FOXRED2: variants seen among roughly 807,000 people sequenced by gnomAD.
FOXRED2 encodes FAD-dependent oxidoreductase domain-containing protein 2.
In FOXRED2, 32 loss-of-function variants were observed where a neutral mutation model predicts 52.5. The observed-to-expected ratio is 0.61, with a 90% CI of 0.46 to 0.82. FOXRED2 has a LOEUF of 0.82. Among genes scored for constraint, FOXRED2 ranks in the 40% least tolerant of loss-of-function variants. FOXRED2 has a pLI of 0.00. For synonymous variants in FOXRED2, 405 were observed against 398.1 expected (o/e 1.02, Z -0.21); for missense variants, 848 against 937.5 (o/e 0.90, Z 1.25).
At chr22:36,500,583 A>C (rs865935334) in intron 5 of FOXRED2, among the ~76,000 whole-genome samples, 3 of 136,754 alleles carry the variant, frequency 2.2e-5, no homozygotes, top group African/African-American at 8.2e-5. Flanking sequence ...ATCCAATTAC[A>C]TTTTTTTTTT....
At chr22:36,503,452 G>A (rs954943516) in intron 4 of FOXRED2, among the ~76,000 whole-genome samples, 1 of 151,444 alleles carries the variant, frequency 6.6e-6, no homozygotes, top group Admixed American at 6.6e-5. Flanking sequence ...TGGGATTACA[G>A]GCACCCACCA....
At chr22:36,497,388 T>C (rs577075482) in intron 6 of FOXRED2, among the ~76,000 whole-genome samples, 1 of 152,252 alleles carries the variant, frequency 6.6e-6, no homozygotes, top group African/African-American at 2.4e-5. Flanking sequence ...GAGGGTTTTG[T>C]GCAGAAAGCG....
Position 36,498,078 on chromosome 22 carries a change from A to T in FOXRED2, c.1295T>A (p.Leu432Gln), listed in dbSNP as rs1249408986. Residue 432 changes from leucine (L) to glutamine (Q), a missense_variant, in exon 6 of 9, where the codon CTG (leucine) becomes CAG (glutamine). By Grantham distance (113) the Leu-to-Gln change is moderately radical. Transcript: ENST00000397224. ...CACGCGCCGCACGATGGAGCTGGTCAGCTGTGTGATGGGGAGCTCAGTGGC... is the reference window on the plus strand; with the variant it reads ...CACGCGCCGCACGATGGAGCTGGTCTGCTGTGTGATGGGGAGCTCAGTGGC... ...WPATELPITQ[L>Q]TSSIVRRVNE... 6.2e-7 allele frequency: 1 copy of T among 1,614,020 alleles called. No individual in the cohort carries two copies. Among genetic ancestry groups the T allele is most frequent in the Admixed American group, 1.7e-5 (1 of 60,026 alleles).
intron 8 of FOXRED2, 35 bp from the exon 9 acceptor site, chr22:36,490,302 C>G (rs572986123): frequency 2.6e-6 from 4 of 1,555,104 alleles, no homozygotes; most frequent in Non-Finnish European, 3.5e-6. Flanking sequence ...ATGAGCCAGG[C>G]TGGGACATGT....
In FOXRED2 at chr22:36,488,242, ATTTT is replaced by A. The variant is rs958147010; in HGVS notation, c.*1762_*1765del. The A allele has an allele frequency of 2.6e-5, 4 of 151,640 alleles. 1 individual carries two copies. Among genetic ancestry groups the A allele is most frequent in the Middle Eastern group, 6.8e-3 (2 of 292 alleles). 9.4% of individuals were successfully genotyped at this position (151,640 alleles called of 1,614,324 possible). Reference sequence around the variant, plus strand: ...GTTGTAGCATACTTTGTTCTTTTTTATTTTTTATTTTTTTGAGATGGGGTGTGGG... The same window carrying A: ...GTTGTAGCATACTTTGTTCTTTTTTATTATTTTTTTGAGATGGGGTGTGGG... On this transcript the variant is annotated 3_prime_UTR_variant, in exon 9 of 9. Transcript: ENST00000397224.
At chr22:36,503,233 C>A (rs982415355) in intron 4 of FOXRED2, among the ~76,000 whole-genome samples, 1 of 151,954 alleles carries the variant, frequency 6.6e-6, no homozygotes, top group Non-Finnish European at 1.5e-5. Context: ...AAGTAGTATG[C>A]CTGCCTTGGC....
intron 8 of FOXRED2, among the ~76,000 whole-genome samples, chr22:36,491,755 C>T (rs998115142): frequency 6.6e-6 from 1 of 152,198 alleles, no homozygotes; most frequent in Non-Finnish European, 1.5e-5. Flanking sequence ...CCAATTAAAC[C>T]TGTTTCTTTA....
At position 36,504,537 on chromosome 22, in the gene FOXRED2, T is replaced by C; in HGVS notation, c.757A>G (p.Thr253Ala). Reference sequence around the variant, plus strand: ...TACCTGAGGTCTCCAACGTAGTGGGTGGCCCAGGACAGACGGACCCGGGAG... The same window carrying C: ...TACCTGAGGTCTCCAACGTAGTGGGCGGCCCAGGACAGACGGACCCGGGAG... ...SRSRVRLSWATHYVGDLRAIN... is the reference protein window; with the variant it reads ...SRSRVRLSWAAHYVGDLRAIN... Residue 253 changes from threonine to alanine, a missense_variant, in exon 3 of 9, where the codon ACC (threonine) becomes GCC (alanine). By Grantham distance (58) the Thr-to-Ala change is moderately conservative. Coordinates refer to ENST00000397224, the MANE Select transcript of FOXRED2 (RefSeq NM_001102371.2). 6.2e-7 allele frequency: 1 copy of C among 1,614,084 alleles called. No individual in the cohort carries two copies. The highest frequency in any genetic ancestry group is 1.1e-5 in the South Asian group (1 of 91,074).
At chr22:36,492,273 A>G (rs550406779) in intron 8 of FOXRED2, among the ~76,000 whole-genome samples, 2 of 152,302 alleles carry the variant, frequency 1.3e-5, no homozygotes, top group African/African-American at 4.8e-5. Flanking sequence ...TGCTCAGCAG[A>G]ATCTGGGGCC....
At position 36,505,909 on chromosome 22, in the gene FOXRED2, C is replaced by A. The variant is rs1481315762; in HGVS notation, c.514G>T (p.Val172Leu). 6.2e-7 allele frequency: 1 copy of A among 1,612,814 alleles called. No individual in the cohort carries two copies. The highest frequency in any genetic ancestry group is 1.7e-5 in the Admixed American group (1 of 60,012). The change falls in exon 2 of 9, where the codon GTG becomes TTG. Residue 172 changes from valine to leucine, a missense_variant. Transcript: ENST00000397224. ...CACCGGCCTTACCTGCACTGATGCACCTGGCCCTTCTGGTCAGTTAGGATG... is the reference window on the plus strand; with the variant it reads ...CACCGGCCTTACCTGCACTGATGCAACTGGCCCTTCTGGTCAGTTAGGATG... ...YFILTDQKGQ[V>L]HQCSVLFVAT... is the part of the protein sequence containing the mutation.
rs200758653 is a variant in FOXRED2, at chr22:36,504,184, G to A, written c.963C>T (p.Asp321=). Residue 321 remains aspartate (D), a synonymous_variant, in exon 4 of 9, where the codon GAC becomes GAT. Transcript: ENST00000397224. ...CGCGCATGGCAAAGTTGTCATTGTCGTCCTGGGGGAGGGTGATGGAGTCGG... is the reference window on the plus strand; with the variant it reads ...CGCGCATGGCAAAGTTGTCATTGTCATCCTGGGGGAGGGTGATGGAGTCGG... ...QSADSITLPQ[D]DNDNFAMRVP... is the part of the protein sequence containing the mutation. 77 of 1,614,124 alleles carry A rather than the reference G, an allele frequency of 4.8e-5. 1 individual carries two copies. Among genetic ancestry groups the A allele is most frequent in the Admixed American group, 1.7e-5 (1 of 60,008 alleles).
In FOXRED2 at chr22:36,490,009, C is replaced by T. The variant is rs773570401; in HGVS notation, c.2054G>A (p.Ter685=). Residue 685 remains the stop codon, a stop_retained_variant, in exon 9 of 9, where the codon TGA becomes TAA. Transcript: ENST00000397224. Reference sequence around the variant, plus strand: ...TGCCCACAGCTTAGGAAGGGACAGTCAGAGCTCCTCTTTGTTGCTATCGAC... The same window carrying T: ...TGCCCACAGCTTAGGAAGGGACAGTTAGAGCTCCTCTTTGTTGCTATCGAC... ...QSVDSNKEEL[*] is the part of the protein sequence containing the mutation. 1.3e-6 allele frequency: 2 copies of T among 1,570,216 alleles called. No individual in the cohort carries two copies. Among genetic ancestry groups the T allele is most frequent in the East Asian group, 2.3e-5 (1 of 44,292 alleles).
intron 5 of FOXRED2, among the ~76,000 whole-genome samples, chr22:36,500,843 C>CA (rs1404531551): frequency 2.0e-5 from 3 of 152,284 alleles, no homozygotes; most frequent in Admixed American, 2.0e-4. Context: ...CTTGGCCTCC[C>CA]AAAGTGCTAG....
chr22:36,495,846 T>C, intron 7 of FOXRED2, 121 bp downstream of exon 7: 1 of 1,106,322 alleles, frequency 9.0e-7, no homozygotes, highest in East Asian at 2.4e-5. Context: ...CTAGGCAGAG[T>C]CCCGCAGCCA....
chr22:36,505,092 G>C (rs1272684259), intron 2 of FOXRED2, among the ~76,000 whole-genome samples: 1 of 152,164 alleles, frequency 6.6e-6, no homozygotes, highest in African/African-American at 2.4e-5. Context: ...ATAGCAGTCA[G>C]ACCAGGTATG....
Position 36,490,096 on chromosome 22 carries a change from T to A in FOXRED2, c.1967A>T (p.Gln656Leu). The A allele has an allele frequency of 6.2e-7, 1 of 1,613,854 alleles. No individual in the cohort carries two copies. Among genetic ancestry groups the A allele is most frequent in the Non-Finnish European group, 8.5e-7 (1 of 1,179,796 alleles). Residue 656 changes from glutamine to leucine, a missense_variant, in exon 9 of 9, where the codon CAG (glutamine) becomes CTG (leucine). By Grantham distance (113) the Gln-to-Leu change is moderately radical. Transcript: ENST00000397224. ...PTGRRLEDSS[Q>L]QLGDQEPLGS... ...TAGTGGCTCTTGGTCGCCAAGCTGC[T>A]GGCTGCTGTCCTCCAGGCGCCTGCC...
intron 3 of FOXRED2, 26 bp from the exon 4 acceptor site, chr22:36,504,393 G>C: frequency 6.2e-7 from 1 of 1,611,974 alleles, no homozygotes; most frequent in African/African-American, 1.3e-5. Context: ...ATGCAGGGGA[G>C]AGAGACTCAG....
At chr22:36,490,943 G>A (rs1457635975) in intron 8 of FOXRED2, among the ~76,000 whole-genome samples, 2 of 152,096 alleles carry the variant, frequency 1.3e-5, no homozygotes, top group South Asian at 2.1e-4. Context: ...ATCGCCTGAG[G>A]TTAGGACTTC....
At chr22:36,492,357 C>T (rs752533608) in intron 8 of FOXRED2, among the ~76,000 whole-genome samples, 2 of 152,182 alleles carry the variant, frequency 1.3e-5, no homozygotes, top group East Asian at 1.9e-4. Flanking sequence ...GCCTGCTGGG[C>T]GGATTCTCTC....
Sources: allele counts gnomAD v4.1 joint callset (sites outside exome capture counted in the v4.1 genomes callset), GRCh38; gene constraint gnomAD v4.1.1; transcripts MANE v1.5; gene names NCBI Gene and HGNC (gene_info 2026-07-23, HGNC 2026-07-21).